Variants in AGMO observed in about 807,000 individuals in gnomAD.
AGMO encodes alkylglycerol monooxygenase, also known as glyceryl-ether monooxygenase.
AGMO carries 75 observed loss-of-function variants against 60.2 expected under a neutral mutation model. That is an observed-to-expected ratio of 1.25 (90% CI 1.03 to 1.51). The LOEUF is 1.51. Ranked by LOEUF, AGMO falls within the 40% of genes most tolerant of loss-of-function variation. The probability of loss-of-function intolerance (pLI) is 0.00; values close to 1 mark genes in which losing one functional copy is unlikely to be tolerated. For missense variants in AGMO, 763 were observed against 525.5 expected (o/e 1.45, Z -4.42); for synonymous variants, 261 against 177.1 (o/e 1.47, Z -3.76).
At chr7:15,265,957 G>A (rs1783419861) in intron 12 of AGMO, among the ~76,000 whole-genome samples, 1 of 152,060 alleles carries the variant, frequency 6.6e-6, no homozygotes, top group Admixed American at 6.6e-5. Context: ...CTTTAAAAAG[G>A]CAATACATTC....
the AGMO span, among the ~76,000 whole-genome samples, chr7:15,147,172 A>C: frequency 1.3e-5 from 2 of 152,112 alleles, no homozygotes; most frequent in African/African-American, 4.8e-5. Flanking sequence ...ACCTTAGAAG[A>C]AGTGGGAGGG....
At chr7:15,136,476 G>A in the AGMO span, among the ~76,000 whole-genome samples, 1 of 148,806 alleles carries the variant, frequency 6.7e-6, no homozygotes, top group Non-Finnish European at 1.5e-5. Flanking sequence ...TTTAGCATTG[G>A]TTGACTCTAA....
At chr7:15,292,403 G>A (rs1784289406) in intron 12 of AGMO, among the ~76,000 whole-genome samples, 1 of 152,142 alleles carries the variant, frequency 6.6e-6, no homozygotes, top group Non-Finnish European at 1.5e-5. Context: ...AATGGCTGAC[G>A]CGTTTGGGTG....
chr7:15,223,828 C>A (rs1035812529), intron 12 of AGMO, among the ~76,000 whole-genome samples: 3 of 151,214 alleles, frequency 2.0e-5, no homozygotes, highest in African/African-American at 7.4e-5. Flanking sequence ...TTATCTTGAT[C>A]TATACAATTA....
chr7:15,268,966 G>C (rs1206751142), intron 12 of AGMO, among the ~76,000 whole-genome samples: 1 of 151,972 alleles, frequency 6.6e-6, no homozygotes, highest in Non-Finnish European at 1.5e-5. Flanking sequence ...CAAACAATGA[G>C]GCCAGTAGCA....
chr7:15,374,364 T>C (rs948111635), intron 10 of AGMO, among the ~76,000 whole-genome samples: 4 of 152,120 alleles, frequency 2.6e-5, no homozygotes, highest in African/African-American at 9.7e-5. Flanking sequence ...GGTGAAAATA[T>C]ATTGGCTAAA....
At chr7:15,358,455 G>T (rs1309110311) in intron 12 of AGMO, 1 of 470,910 alleles carries the variant, frequency 2.1e-6, no homozygotes, top group Middle Eastern at 3.3e-4. Flanking sequence ...CCTAAAGGGT[G>T]AGATACGTAC....
At chr7:15,125,604 T>G in the AGMO span, among the ~76,000 whole-genome samples, 434 of 152,188 alleles carry the variant, frequency 2.9e-3, no homozygotes, top group African/African-American at 1.0e-2. Context: ...GCTTACCAGG[T>G]GTCTTCTGTT....
intron 12 of AGMO, among the ~76,000 whole-genome samples, chr7:15,353,853 T>G (rs1782350023): frequency 6.6e-6 from 1 of 152,086 alleles, no homozygotes; most frequent in Non-Finnish European, 1.5e-5. Context: ...AGTAAGAATA[T>G]AAGCTATATT....
chr7:15,277,020 T>C (rs1179702033), intron 12 of AGMO, among the ~76,000 whole-genome samples: 1 of 152,006 alleles, frequency 6.6e-6, no homozygotes, highest in Non-Finnish European at 1.5e-5. Context: ...GTTTAAATTT[T>C]TTATTTGCTG....
At chr7:15,504,555 G>A (rs1290816374) in intron 3 of AGMO, among the ~76,000 whole-genome samples, 1 of 151,928 alleles carries the variant, frequency 6.6e-6, no homozygotes, top group African/African-American at 2.4e-5. Flanking sequence ...TCGCTCAACT[G>A]ATCATAGTGG....
the AGMO span, among the ~76,000 whole-genome samples, chr7:15,129,917 A>G: frequency 6.6e-6 from 1 of 152,108 alleles, no homozygotes; most frequent in Non-Finnish European, 1.5e-5. Context: ...AATGCCTGAT[A>G]TTATCTAAGT....
At chr7:15,316,102 T>A (rs1317187419) in intron 12 of AGMO, among the ~76,000 whole-genome samples, 1 of 152,184 alleles carries the variant, frequency 6.6e-6, no homozygotes, top group East Asian at 1.9e-4. Flanking sequence ...ATCATCAAAA[T>A]GGCAGCCACT....
At chr7:15,250,951 A>AT (rs200809464) in intron 12 of AGMO, among the ~76,000 whole-genome samples, 2,253 of 151,598 alleles carry the variant, frequency 0.015, 56 homozygotes, top group African/African-American at 0.053. Flanking sequence ...ATCTCAAAAA[A>AT]AAAAATATAT....
At chr7:15,488,106 G>T (rs1387942580) in intron 3 of AGMO, among the ~76,000 whole-genome samples, 6 of 152,258 alleles carry the variant, frequency 3.9e-5, no homozygotes, top group Middle Eastern at 3.4e-3. Flanking sequence ...AAAGAGCAAG[G>T]CATAAAGCCA....
In AGMO at chr7:15,561,851, C is replaced by T; in HGVS notation, c.-6G>A. ...TGGGCTTCTGGGTTCTTCATTTCTG[C>T]CCTTGTCTGATTCCCAGCTGGAGAA... is the stretch of plus-strand genomic sequence containing the variant. On this transcript the variant is annotated 5_prime_UTR_variant, in exon 1 of 13. Transcript: ENST00000342526. 1.3e-6 allele frequency: 2 copies of T among 1,589,992 alleles called. No homozygotes were observed. Among genetic ancestry groups the T allele is most frequent in the Non-Finnish European group, 1.7e-6 (2 of 1,167,062 alleles).
intron 10 of AGMO, among the ~76,000 whole-genome samples, chr7:15,384,153 G>A (rs925118784): frequency 1.3e-5 from 2 of 152,016 alleles, no homozygotes; most frequent in Non-Finnish European, 2.9e-5. Flanking sequence ...TAGCCAGGAT[G>A]GTCTCGATCT....
chr7:15,503,929 T>C (rs1227235508), intron 3 of AGMO, among the ~76,000 whole-genome samples: 1 of 151,974 alleles, frequency 6.6e-6, no homozygotes, highest in East Asian at 1.9e-4. Flanking sequence ...AAAGTAAACA[T>C]ACTTTTATTT....
intron 12 of AGMO, among the ~76,000 whole-genome samples, chr7:15,244,129 TAAGA>T (rs1364781836): frequency 3.3e-5 from 5 of 152,044 alleles, no homozygotes; most frequent in Non-Finnish European, 5.9e-5. Context: ...TTGTGAGAGT[TAAGA>T]AAGAAGGGAA....
Sources: allele counts gnomAD v4.1 joint callset (sites outside exome capture counted in the v4.1 genomes callset), GRCh38; gene constraint gnomAD v4.1.1; transcripts MANE v1.5; gene names NCBI Gene and HGNC (gene_info 2026-07-23, HGNC 2026-07-21).